The following ELP1 variants were observed in gnomAD, a reference collection of about 807,000 sequenced individuals.
ELP1 encodes the protein elongator complex protein 1.
ELP1 carries 131 observed loss-of-function variants against 183.2 expected under a neutral mutation model. The observed-to-expected ratio is 0.72, with a 90% confidence interval of 0.62 to 0.83. ELP1 has a LOEUF of 0.83. Among genes scored for constraint, ELP1 ranks in the 40% least tolerant of loss-of-function variants. ELP1 has a pLI of 0.00. For synonymous variants in ELP1, 555 were observed against 569.0 expected, an observed-to-expected ratio of 0.98 and a Z score of 0.35; for missense variants, 1,550 against 1,594.9, an observed-to-expected ratio of 0.97 and a Z score of 0.48.
chr9:108,909,633 C>A (rs1387682141), intron 12 of ELP1, among the ~76,000 whole-genome samples: 1 of 152,104 alleles, frequency 6.6e-6, no homozygotes, highest in Non-Finnish European at 1.5e-5. Context: ...TATGATCTTT[C>A]TCTTCTTTCC....
rs755240124 is a variant in ELP1 at position 108,879,543 on chromosome 9, G to T, written c.3475C>A (p.His1159Asn). 6.2e-7 allele frequency: 1 copy of T among 1,613,500 alleles called. No homozygotes were observed. Among genetic ancestry groups the T allele is most frequent in the Non-Finnish European group, 8.5e-7 (1 of 1,179,482 alleles). Reference protein sequence around the residue: ...QQAGLDDEVPHGQESDLFSET... With the variant: ...QQAGLDDEVPNGQESDLFSET... ...GAGAAGAGGTCTGACTCTTGCCCGT[G>T]GGGTACCTCATCATCTAGAAAAGAA... The change falls in exon 33 of 37, where the codon CAC becomes AAC. Residue 1159 changes from histidine (H) to asparagine (N), a missense_variant. Coordinates refer to ENST00000374647, the MANE Select transcript of ELP1 (RefSeq NM_003640.5).
chr9:108,919,226 T>C, intron 7 of ELP1, 27 bp downstream of exon 7: 3 of 1,518,008 alleles, frequency 2.0e-6, no homozygotes, highest in Non-Finnish European at 2.7e-6. Flanking sequence ...TTTTTTATTG[T>C]TGTTTAACTG....
chr9:108,891,623 TGCACCATTC>T (rs1467629298), intron 27 of ELP1, among the ~76,000 whole-genome samples: 1 of 152,188 alleles, frequency 6.6e-6, no homozygotes, highest in Non-Finnish European at 1.5e-5. Context: ...TAACTACATA[TGCACCATTC>T]TGGGCAGTAT....
chr9:108,889,717 G>A lies in ELP1; in HGVS notation c.3161-324C>T, dbSNP rs1828251882. On this transcript the variant is annotated intron_variant, in intron 28 of 36. Coordinates refer to ENST00000374647, the MANE Select transcript of ELP1 (RefSeq NM_003640.5). ...CTATTTCTTTGGTTGAGCACTAGAT[G>A]GAGGTAGCTGACTTATGTTTGAGTC... The A allele has an allele frequency of 7.8e-6, 3 of 383,048 alleles. No individual in the cohort carries two copies. In the Admixed American group the frequency reaches 1.1e-4, roughly 15 times the overall value. 23.7% of individuals were successfully genotyped at this position (383,048 alleles called of 1,614,324 possible).
chr9:108,913,500 C>A (rs894930453), intron 10 of ELP1, among the ~76,000 whole-genome samples: 1 of 152,294 alleles, frequency 6.6e-6, no homozygotes, highest in South Asian at 2.1e-4. Context: ...AATCTCCTTG[C>A]TCACTAATGC....
At chr9:108,925,792 C>T (rs1000759081) in intron 5 of ELP1, among the ~76,000 whole-genome samples, 2 of 152,166 alleles carry the variant, frequency 1.3e-5, no homozygotes, top group African/African-American at 4.8e-5. Flanking sequence ...TCAAGCAATC[C>T]TCCTGCCTCA....
At position 108,930,999 on chromosome 9, in the gene ELP1, CT is replaced by C; in HGVS notation, c.147del (p.Glu50LysfsTer2). ...HGLIEVDPVS[R>X]EVKNEVSLVA... ...GGCATTCTACATCAGTAACTTACTT[CT>C]CTTGAGACAGGGTCTACTTCTATCA... On this transcript the variant is annotated frameshift_variant, in exon 2 of 37. Transcript: ENST00000374647. LOFTEE classifies it high-confidence loss of function. 6.2e-7 allele frequency: 1 copy of C among 1,614,154 alleles called. No homozygotes were observed. The highest frequency in any genetic ancestry group is 8.5e-7 in the Non-Finnish European group (1 of 1,180,014).
chr9:108,888,934 G>A (rs1156257834), intron 29 of ELP1, among the ~76,000 whole-genome samples: 1 of 152,152 alleles, frequency 6.6e-6, no homozygotes, highest in Non-Finnish European at 1.5e-5. Flanking sequence ...GGTCCCTGAG[G>A]TAAAAGAGAC....
intron 32 of ELP1, 84 bp downstream of exon 32, chr9:108,879,968 G>A (rs151138983): frequency 5.3e-5 from 47 of 890,468 alleles, no homozygotes; most frequent in Middle Eastern, 3.1e-4. Flanking sequence ...GATTGCAGGC[G>A]GATCACCAAG....
At chr9:108,929,513 TA>T (rs1829928432) in intron 3 of ELP1, among the ~76,000 whole-genome samples, 1 of 152,196 alleles carries the variant, frequency 6.6e-6, no homozygotes. Context: ...TTTTAACTTT[TA>T]AAAAAATATA....
intron 1 of ELP1, among the ~76,000 whole-genome samples, chr9:108,931,914 T>C (rs953696319): frequency 3.9e-5 from 6 of 152,222 alleles, no homozygotes; most frequent in Admixed American, 3.3e-4. Flanking sequence ...ACAAGACATC[T>C]ACTTTGGTCT....
chr9:108,873,628 C>T (rs969442751), intron 36 of ELP1, among the ~76,000 whole-genome samples: 10 of 152,080 alleles, frequency 6.6e-5, no homozygotes, highest in South Asian at 2.1e-4. Context: ...AGGCCAGCAA[C>T]GAGGAACACA....
At chr9:108,914,468 A>G in intron 10 of ELP1, among the ~76,000 whole-genome samples, 1 of 151,906 alleles carries the variant, frequency 6.6e-6, no homozygotes, top group East Asian at 1.9e-4. Context: ...AAAATAATCA[A>G]GTAAAAAGAT....
At chr9:108,883,798 A>C (rs1828020299) in intron 29 of ELP1, among the ~76,000 whole-genome samples, 1 of 152,184 alleles carries the variant, frequency 6.6e-6, no homozygotes, top group African/African-American at 2.4e-5. Context: ...TAATAAGCCA[A>C]CAGTGGAGGT....
intron 10 of ELP1, among the ~76,000 whole-genome samples, chr9:108,913,280 C>T (rs1829302777): frequency 6.6e-6 from 1 of 152,136 alleles, no homozygotes; most frequent in African/African-American, 2.4e-5. Flanking sequence ...TTTGCAAGCA[C>T]TTATGTTCAA....
In ELP1 at chr9:108,869,100, C is replaced by T; in HGVS notation, c.*15G>A. Reference sequence around the variant, plus strand: ...AAATGGTCTTCTCTGTCGGATCCCTCCTAACTGCAGTCACTCAGTCTAGCA... The same window carrying T: ...AAATGGTCTTCTCTGTCGGATCCCTTCTAACTGCAGTCACTCAGTCTAGCA... On this transcript the variant is annotated 3_prime_UTR_variant, in exon 37 of 37. Transcript: ENST00000374647. The T allele has an allele frequency of 6.2e-7, 1 of 1,611,606 alleles. No homozygotes were observed. The highest frequency in any genetic ancestry group is 8.5e-7 in the Non-Finnish European group (1 of 1,177,694).
intron 36 of ELP1, among the ~76,000 whole-genome samples, chr9:108,873,004 CAT>C (rs1298521026): frequency 6.6e-6 from 1 of 152,082 alleles, no homozygotes. Flanking sequence ...ACATATTTCA[CAT>C]TTCCATATGT....
chr9:108,906,560 A>G (rs1829029096), intron 13 of ELP1, 75 bp from the exon 14 acceptor site: 1 of 1,244,104 alleles, frequency 8.0e-7, no homozygotes, highest in Non-Finnish European at 1.2e-6. Context: ...GGATGAAGGA[A>G]GACTGAAGCA....
At chr9:108,933,831 C>T (rs1279269980) in intron 1 of ELP1, 33 bp downstream of exon 1, 1 of 152,772 alleles carries the variant, frequency 6.5e-6, no homozygotes, top group Non-Finnish European at 1.5e-5. Flanking sequence ...GAGAGGTCCA[C>T]TCCCGTGCCC....
Sources: allele counts gnomAD v4.1 joint callset (sites outside exome capture counted in the v4.1 genomes callset), GRCh38; gene constraint gnomAD v4.1.1; transcripts MANE v1.5; gene names NCBI Gene and HGNC (gene_info 2026-07-23, HGNC 2026-07-21).